GALNT14: variants seen among roughly 807,000 people sequenced by gnomAD.
The protein encoded by GALNT14 is polypeptide N-acetylgalactosaminyltransferase 14.
GALNT14 carries 60 observed loss-of-function variants against 77.5 expected under a neutral mutation model. That is an observed-to-expected ratio of 0.77 (90% CI 0.63 to 0.96). The LOEUF (loss-of-function observed/expected upper bound fraction) is 0.96, where lower values mean the gene tolerates loss of function less well. GALNT14 is among the 40% of genes least tolerant of loss of function. The probability of loss-of-function intolerance (pLI) is 0.00; values close to 1 mark genes in which losing one functional copy is unlikely to be tolerated. For synonymous variants in GALNT14, 280 were observed against 281.7 expected (o/e 0.99, Z 0.06); for missense variants, 710 against 731.0 (o/e 0.97, Z 0.33).
intron 4 of GALNT14, among the ~76,000 whole-genome samples, chr2:30,957,756 T>C (rs1306607420): frequency 6.6e-6 from 1 of 152,190 alleles, no homozygotes; most frequent in Admixed American, 6.5e-5. Flanking sequence ...GGTCATTCCA[T>C]TTCCCTCAGT....
At chr2:30,887,956 C>T in the GALNT14 span, among the ~76,000 whole-genome samples, 326 of 152,332 alleles carry the variant, frequency 2.1e-3, 1 homozygote, top group African/African-American at 7.3e-3. Context: ...GGGGTGCAAC[C>T]TGGGACCTGT....
the GALNT14 span, among the ~76,000 whole-genome samples, chr2:30,887,055 T>C: frequency 6.6e-6 from 1 of 152,252 alleles, no homozygotes; most frequent in Non-Finnish European, 1.5e-5. Context: ...GTATCAGTAC[T>C]TTACTACTTT....
At chr2:31,033,152 TG>T (rs1672517075) in intron 1 of GALNT14, among the ~76,000 whole-genome samples, 1 of 152,076 alleles carries the variant, frequency 6.6e-6, no homozygotes, top group African/African-American at 2.4e-5. Context: ...CATTGAAAAG[TG>T]ACTGACAGAC....
chr2:30,976,371 C>A (rs1397762087), intron 2 of GALNT14, among the ~76,000 whole-genome samples: 1 of 152,178 alleles, frequency 6.6e-6, no homozygotes, highest in African/African-American at 2.4e-5. Context: ...CTCCAATGCA[C>A]CAGGATCCTT....
At chr2:31,113,464 C>A (rs185639074) in intron 1 of GALNT14, among the ~76,000 whole-genome samples, 1 of 152,064 alleles carries the variant, frequency 6.6e-6, no homozygotes, top group Non-Finnish European at 1.5e-5. Flanking sequence ...CAACTCCAGT[C>A]GTCAAGAATG....
Position 31,022,657 on chromosome 2 carries a change from T to A in GALNT14, c.130-29650A>T, listed in dbSNP as rs559444701. On this transcript the variant is annotated intron_variant, in intron 1 of 14. Transcript: ENST00000349752. ...ATTCCTGCTCAAGAAGCATAGAGCT[T>A]CCTAAGGAACTGGGGAGGGCAAACA... is the stretch of plus-strand genomic sequence containing the variant. Among the ~76,000 whole-genome samples the A allele has an allele frequency of 2.6e-3, 401 of 152,276 alleles. 2 individuals carry two copies. The highest frequency in any genetic ancestry group is 4.8e-3 in the Non-Finnish European group (329 of 68,012).
downstream of GALNT14, among the ~76,000 whole-genome samples, chr2:30,909,165 T>G (rs1176594330): frequency 6.6e-6 from 1 of 151,392 alleles, no homozygotes; most frequent in Middle Eastern, 3.2e-3. Flanking sequence ...ACTTCATGTC[T>G]AAAACACCAA....
intron 1 of GALNT14, among the ~76,000 whole-genome samples, chr2:31,075,345 A>G (rs1075688): frequency 4.3e-4 from 66 of 152,116 alleles, no homozygotes; most frequent in Non-Finnish European, 8.5e-4. Flanking sequence ...TCCTTTAGAG[A>G]AAAGCAAAAG....
intron 1 of GALNT14, among the ~76,000 whole-genome samples, chr2:31,023,176 A>C: frequency 1.6e-5 from 1 of 61,424 alleles, no homozygotes; most frequent in African/African-American, 4.4e-5. Context: ...CAAAAACAAA[A>C]ACAAAACAAG....
chr2:30,888,021 C>T, the GALNT14 span, among the ~76,000 whole-genome samples: 1 of 152,170 alleles, frequency 6.6e-6, no homozygotes, highest in Non-Finnish European at 1.5e-5. Context: ...CCCTGCATGA[C>T]CTGTTGGTCT....
chr2:30,903,199 T>C, the GALNT14 span, among the ~76,000 whole-genome samples: 1 of 152,250 alleles, frequency 6.6e-6, no homozygotes, highest in Non-Finnish European at 1.5e-5. Flanking sequence ...ATGGATTTTA[T>C]AATGATGACC....
At chr2:31,001,628 T>C (rs2113489) in intron 1 of GALNT14, among the ~76,000 whole-genome samples, 39,615 of 151,714 alleles carry the variant, frequency 0.26, 5,365 homozygotes, top group East Asian at 0.38. Flanking sequence ...GAAACCACAA[T>C]ACAAAATTAC....
At chr2:31,054,934 C>T (rs528889511) in intron 1 of GALNT14, among the ~76,000 whole-genome samples, 2 of 152,224 alleles carry the variant, frequency 1.3e-5, no homozygotes, top group African/African-American at 4.8e-5. Context: ...ATATAAAGAA[C>T]TAAAGGGTTC....
At position 30,945,817 on chromosome 2, in the gene GALNT14, G is replaced by A; in HGVS notation, c.708C>T (p.Phe236=). 6.2e-7 allele frequency: 1 copy of A among 1,614,186 alleles called. No individual in the cohort carries two copies. Among genetic ancestry groups the A allele is most frequent in the Non-Finnish European group, 8.5e-7 (1 of 1,180,014 alleles). Reference sequence around the variant, plus strand: ...GCTCCGAGGCAGACTCGATGTAGGTGAAGGTGTCCAGGTTAATGATATCGA... The same window carrying A: ...GCTCCGAGGCAGACTCGATGTAGGTAAAGGTGTCCAGGTTAATGATATCGA... ...PVIDIINLDT[F]TYIESASELR... Residue 236 remains phenylalanine, a synonymous_variant, in exon 7 of 15, where the codon TTC becomes TTT. Coordinates refer to ENST00000349752, the MANE Select transcript of GALNT14 (RefSeq NM_024572.4).
At chr2:30,912,618 G>A (rs1419993998) in intron 13 of GALNT14, among the ~76,000 whole-genome samples, 1 of 152,196 alleles carries the variant, frequency 6.6e-6, no homozygotes, top group Non-Finnish European at 1.5e-5. Context: ...TGGGCTTTGG[G>A]CAGGAGTCTG....
intron 2 of GALNT14, among the ~76,000 whole-genome samples, chr2:30,975,731 A>G (rs1487299323): frequency 1.3e-5 from 2 of 152,228 alleles, no homozygotes; most frequent in African/African-American, 4.8e-5. Flanking sequence ...TTACTGCTGG[A>G]TAATGGTTTC....
the GALNT14 span, among the ~76,000 whole-genome samples, chr2:30,902,153 C>T: frequency 5.9e-5 from 9 of 152,174 alleles, no homozygotes; most frequent in African/African-American, 1.9e-4. Flanking sequence ...CAAAGGCATC[C>T]CTGGGGCTGG....
chr2:30,950,874 G>A (rs1666985068), intron 6 of GALNT14, among the ~76,000 whole-genome samples: 1 of 152,212 alleles, frequency 6.6e-6, no homozygotes, highest in African/African-American at 2.4e-5. Flanking sequence ...ATGTAGAAAG[G>A]AGAGCACTTT....
At position 30,955,822 on chromosome 2, in the gene GALNT14, C is replaced by A; in HGVS notation, c.533-83G>T. On this transcript the variant is annotated intron_variant, in intron 5 of 14. Coordinates refer to ENST00000349752, the MANE Select transcript of GALNT14 (RefSeq NM_024572.4). Reference sequence around the variant, plus strand: ...ACCAGGGAGAAGCCACCCAGCATTCCCCACTGATCACCCCAACACACACAC... The same window carrying A: ...ACCAGGGAGAAGCCACCCAGCATTCACCACTGATCACCCCAACACACACAC... The A allele has an allele frequency of 1.9e-6, 3 of 1,608,236 alleles. No individual in the cohort carries two copies. In the South Asian group the frequency reaches 3.3e-5, roughly 18 times the overall value.
Sources: allele counts gnomAD v4.1 joint callset (sites outside exome capture counted in the v4.1 genomes callset), GRCh38; gene constraint gnomAD v4.1.1; transcripts MANE v1.5; gene names NCBI Gene and HGNC (gene_info 2026-07-23, HGNC 2026-07-21).